WDR41: variants seen among roughly 807,000 people sequenced by gnomAD.
WDR41 encodes WD repeat domain 41, also known as WD repeat-containing protein 41.
Under a neutral mutation model 69.3 loss-of-function variants are expected in WDR41, and 63 were observed. The ratio of observed to expected loss-of-function variants is 0.91; its 90% CI spans 0.74 to 1.12. WDR41 has a LOEUF of 1.12. Among genes scored for constraint, WDR41 ranks in the 50% most tolerant of loss-of-function variants. The probability of loss-of-function intolerance (pLI) is 0.00; values close to 1 mark genes in which losing one functional copy is unlikely to be tolerated. For synonymous variants in WDR41, 185 were observed against 192.1 expected (o/e 0.96, Z 0.31); for missense variants, 543 against 534.5 (o/e 1.02, Z -0.16).
At chr5:77,441,739 A>AACACAC (rs112452862) in intron 8 of WDR41, among the ~76,000 whole-genome samples, 5,033 of 150,400 alleles carry the variant, frequency 0.033, 193 homozygotes, top group South Asian at 0.19. Flanking sequence ...CTCAGTCTAA[A>AACACAC]ACACACACAC....
intron 7 of WDR41, among the ~76,000 whole-genome samples, chr5:77,450,332 T>A (rs1472626405): frequency 1.3e-5 from 2 of 152,226 alleles, no homozygotes; most frequent in African/African-American, 2.4e-5. Flanking sequence ...ACTTCTTTTT[T>A]AAAAAGCTTC....
At chr5:77,497,065 T>A (rs1365900244), upstream of WDR41, among the ~76,000 whole-genome samples, 1 of 152,184 alleles carries the variant, frequency 6.6e-6, no homozygotes, top group Non-Finnish European at 1.5e-5. Context: ...TGAACTTGGA[T>A]CCTTATCTTA....
At chr5:77,529,929 C>G (rs1311380439) in intron 1 of WDR41, among the ~76,000 whole-genome samples, 2 of 151,758 alleles carry the variant, frequency 1.3e-5, no homozygotes, top group East Asian at 3.9e-4. Context: ...TAGTTGGCAG[C>G]ATGGGATAAT....
chr5:77,573,145 C>T (rs1743762264), intron 1 of WDR41, among the ~76,000 whole-genome samples: 1 of 152,076 alleles, frequency 6.6e-6, no homozygotes, highest in Non-Finnish European at 1.5e-5. Context: ...CTACTTTTGC[C>T]CAGCTACCTG....
chr5:77,444,317 T>C (rs1456038579), intron 8 of WDR41, among the ~76,000 whole-genome samples: 2 of 152,336 alleles, frequency 1.3e-5, no homozygotes, highest in Middle Eastern at 3.4e-3. Context: ...AGCCACTTAG[T>C]ATGAAAATCT....
chr5:77,474,046 C>T (rs1800764203), intron 2 of WDR41, among the ~76,000 whole-genome samples: 1 of 152,144 alleles, frequency 6.6e-6, no homozygotes, highest in Non-Finnish European at 1.5e-5. Context: ...AAATGTCCAA[C>T]AATGATAGAC....
chr5:77,492,539 A>G (rs1294003547), upstream of WDR41: 10 of 343,162 alleles, frequency 2.9e-5, no homozygotes, highest in East Asian at 4.2e-4. Context: ...CGGGTAGCGC[A>G]CGGAGCTTAG....
At chr5:77,613,403 G>A (rs1744606577) in intron 1 of WDR41, among the ~76,000 whole-genome samples, 1 of 151,934 alleles carries the variant, frequency 6.6e-6, no homozygotes, top group Admixed American at 6.6e-5. Context: ...TATACTACAA[G>A]GCTACAGTAA....
At chr5:77,551,287 G>A (rs1743290226) in intron 1 of WDR41, among the ~76,000 whole-genome samples, 1 of 152,238 alleles carries the variant, frequency 6.6e-6, no homozygotes, top group Non-Finnish European at 1.5e-5. Context: ...GTATGTTTAA[G>A]AAGGGGGCAA....
intron 1 of WDR41, among the ~76,000 whole-genome samples, chr5:77,489,792 A>G (rs1014203601): frequency 2.6e-5 from 4 of 152,166 alleles, no homozygotes; most frequent in African/African-American, 9.7e-5. Context: ...CACAAATTCG[A>G]ATCATGAATT....
chr5:77,473,772 G>A (rs368698592), intron 2 of WDR41, among the ~76,000 whole-genome samples: 117 of 152,224 alleles, frequency 7.7e-4, no homozygotes, highest in African/African-American at 2.1e-3. Context: ...TTAGAATGGC[G>A]ATCATTAAAA....
At chr5:77,577,825 T>G (rs1321361425) in intron 1 of WDR41, among the ~76,000 whole-genome samples, 1 of 152,176 alleles carries the variant, frequency 6.6e-6, no homozygotes, top group African/African-American at 2.4e-5. Flanking sequence ...CCATTGTAAG[T>G]TGAAACTATC....
chr5:77,490,029 A>C (rs1801700199), intron 1 of WDR41, among the ~76,000 whole-genome samples: 1 of 152,208 alleles, frequency 6.6e-6, no homozygotes, highest in African/African-American at 2.4e-5. Flanking sequence ...ATGCTTGCTA[A>C]ATGAATAAAT....
intron 10 of WDR41, 111 bp downstream of exon 10, chr5:77,438,129 C>T: frequency 1.3e-6 from 2 of 1,489,238 alleles, no homozygotes; most frequent in Non-Finnish European, 1.8e-6. Flanking sequence ...CAAAAGAACA[C>T]AGCAGGTCAA....
intron 3 of WDR41, 63 bp from the exon 4 acceptor site, chr5:77,463,289 T>A (rs1581722997): frequency 1.4e-6 from 2 of 1,453,268 alleles, no homozygotes; most frequent in East Asian, 2.3e-5. Flanking sequence ...CATAAATGAC[T>A]ACATTAAGTA....
intron 1 of WDR41, among the ~76,000 whole-genome samples, chr5:77,553,431 C>T (rs185539275): frequency 2.6e-3 from 403 of 152,238 alleles, no homozygotes; most frequent in African/African-American, 9.1e-3. Flanking sequence ...AGAGCAGAAT[C>T]CCCCTGATTT....
At chr5:77,447,969 C>T (rs1799455021) in intron 8 of WDR41, among the ~76,000 whole-genome samples, 1 of 152,162 alleles carries the variant, frequency 6.6e-6, no homozygotes, top group Non-Finnish European at 1.5e-5. Flanking sequence ...CTTTAGTTTT[C>T]CCTTTTTTCC....
At chr5:77,526,892 G>T (rs533036591) in intron 1 of WDR41, among the ~76,000 whole-genome samples, 1 of 152,120 alleles carries the variant, frequency 6.6e-6, no homozygotes, top group East Asian at 1.9e-4. Context: ...AATTTGATAT[G>T]GCTCCTTTCT....
chr5:77,565,774 C>A (rs1743614764), intron 1 of WDR41, among the ~76,000 whole-genome samples: 1 of 152,114 alleles, frequency 6.6e-6, no homozygotes, highest in South Asian at 2.1e-4. Context: ...TAAGTCAGTA[C>A]CATGCTGTTT....
Sources: gnomAD v4.1 joint callset for allele counts (sites outside exome capture counted in the v4.1 genomes callset) on GRCh38, gnomAD v4.1.1 for gene constraint, MANE v1.5 for transcripts, NCBI Gene and HGNC (gene_info 2026-07-23, HGNC 2026-07-21) for gene names.